The following HP1BP3 variants were observed in gnomAD, a reference collection of about 807,000 sequenced individuals.
The protein encoded by HP1BP3 is heterochromatin protein 1-binding protein 3.
A neutral mutation model predicts 62.5 loss-of-function variants in HP1BP3; 12 were observed. That is an observed-to-expected ratio of 0.19 (90% CI 0.12 to 0.31). The LOEUF (loss-of-function observed/expected upper bound fraction) is 0.31, where lower values mean the gene tolerates loss of function less well. Among genes scored for constraint, HP1BP3 ranks in the 10% least tolerant of loss-of-function variants. The pLI, the probability that HP1BP3 is intolerant of heterozygous loss-of-function variation, is 1.00. For missense variants in HP1BP3, 502 were observed against 651.8 expected, an observed-to-expected ratio of 0.77 and a Z score of 2.50; for synonymous variants, 260 against 237.8, an observed-to-expected ratio of 1.09 and a Z score of -0.86.
At chr1:20,776,882 A>G in intron 3 of HP1BP3, 132 bp from the exon 4 acceptor site, 1 of 661,882 alleles carries the variant, frequency 1.5e-6, no homozygotes, top group Non-Finnish European at 2.4e-6. Context: ...AATGAAAATG[A>G]ATGACCACTA....
At chr1:20,756,137 GTA>G (rs757804277) in intron 9 of HP1BP3, among the ~76,000 whole-genome samples, 3 of 152,122 alleles carry the variant, frequency 2.0e-5, no homozygotes, top group Non-Finnish European at 2.9e-5. Context: ...AAATTAAATT[GTA>G]TAAGGTATGC....
chr1:20,782,673 G>A (rs1306794736), intron 1 of HP1BP3, among the ~76,000 whole-genome samples: 7 of 151,882 alleles, frequency 4.6e-5, no homozygotes, highest in East Asian at 1.9e-4. Context: ...AGGCCGAGGC[G>A]GATAGATCAC....
At chr1:20,785,021 A>G (rs2057757324) in intron 1 of HP1BP3, among the ~76,000 whole-genome samples, 2 of 151,916 alleles carry the variant, frequency 1.3e-5, no homozygotes, top group Admixed American at 6.6e-5. Flanking sequence ...CCTGGGCTCA[A>G]GCGATCTCCT....
intron 8 of HP1BP3, among the ~76,000 whole-genome samples, chr1:20,761,211 AT>A (rs2056451343): frequency 6.6e-6 from 1 of 151,764 alleles, no homozygotes; most frequent in Non-Finnish European, 1.5e-5. Context: ...TGCATGGCTA[AT>A]TTTTTTGTAT....
intron 10 of HP1BP3, among the ~76,000 whole-genome samples, chr1:20,748,477 C>T (rs920994734): frequency 4.6e-5 from 7 of 152,192 alleles, no homozygotes; most frequent in Non-Finnish European, 2.9e-5. Context: ...CCGGGCGTGG[C>T]GGCTCACGCC....
At chr1:20,776,112 C>A (rs2154541254) in intron 4 of HP1BP3, 1 of 967,590 alleles carries the variant, frequency 1.0e-6, no homozygotes, top group Non-Finnish European at 1.5e-6. Context: ...AAAGCCAATT[C>A]TTCAACTGAA....
intron 10 of HP1BP3, 21 bp downstream of exon 10, chr1:20,749,702 A>G: frequency 6.3e-7 from 1 of 1,595,338 alleles, no homozygotes; most frequent in Non-Finnish European, 8.5e-7. Flanking sequence ...TCCCAGTTAA[A>G]TATACACAAC....
rs1050418329 is a variant in HP1BP3 at position 20,744,120 on chromosome 1, T to G, written c.*677A>C. On this transcript the variant is annotated 3_prime_UTR_variant, in exon 13 of 13. Coordinates refer to ENST00000438032, the MANE Select transcript of HP1BP3 (RefSeq NM_001372052.1). ...AAAAACAAGTGATATAGAGAACTTG[T>G]GCTTGCTGTTAAGGGAATGCAATAC... The G allele has an allele frequency of 6.6e-6, 1 of 152,518 alleles. No individual in the cohort carries two copies. The highest frequency in any genetic ancestry group is 6.5e-5 in the Admixed American group (1 of 15,268). 9.4% of individuals were successfully genotyped at this position (152,518 alleles called of 1,614,324 possible). A position where few individuals can be genotyped will look rare whatever the true frequency, so the allele number is the denominator to read the frequency against.
At chr1:20,753,103 G>A (rs149995094) in intron 9 of HP1BP3, among the ~76,000 whole-genome samples, 6 of 152,170 alleles carry the variant, frequency 3.9e-5, no homozygotes, top group South Asian at 4.1e-4. Context: ...CACCATGCCC[G>A]GCTAATTTCT....
intron 1 of HP1BP3, among the ~76,000 whole-genome samples, chr1:20,786,015 C>T (rs532175072): frequency 1.3e-5 from 2 of 152,340 alleles, no homozygotes; most frequent in East Asian, 3.9e-4. Context: ...TAATGCAATG[C>T]AAAGTCAGGA....
intron 5 of HP1BP3, among the ~76,000 whole-genome samples, chr1:20,772,753 A>G (rs2057115964): frequency 6.6e-6 from 1 of 152,232 alleles, no homozygotes; most frequent in African/African-American, 2.4e-5. Context: ...TCATCTGATC[A>G]TATGAACTAA....
intron 8 of HP1BP3, among the ~76,000 whole-genome samples, chr1:20,764,044 T>C (rs185492204): frequency 3.0e-4 from 45 of 152,262 alleles, no homozygotes; most frequent in African/African-American, 1.0e-3. Flanking sequence ...CCAGATGCAA[T>C]TTTTCTTCCT....
chr1:20,766,448 AAAAC>A (rs1296747666), intron 7 of HP1BP3, among the ~76,000 whole-genome samples: 1 of 152,192 alleles, frequency 6.6e-6, no homozygotes, highest in Non-Finnish European at 1.5e-5. Flanking sequence ...TCAGAGTTGT[AAAAC>A]AAAAAAAAAA....
At chr1:20,755,406 T>C (rs1346800979) in intron 9 of HP1BP3, 3 of 452,470 alleles carry the variant, frequency 6.6e-6, no homozygotes, top group South Asian at 4.7e-5. Context: ...ACCCCATTTC[T>C]ACAAAAAATA....
chr1:20,773,059 T>C (rs994380200), intron 5 of HP1BP3, among the ~76,000 whole-genome samples: 12 of 152,234 alleles, frequency 7.9e-5, no homozygotes, highest in African/African-American at 2.6e-4. Flanking sequence ...TGAGTCACAA[T>C]TAGATTTATA....
chr1:20,776,555 A>T, intron 4 of HP1BP3, 42 bp downstream of exon 4: 1 of 1,548,532 alleles, frequency 6.5e-7, no homozygotes, highest in Non-Finnish European at 8.8e-7. Flanking sequence ...GTCCTTTTAC[A>T]CATTCTTCAA....
intron 10 of HP1BP3, 37 bp from the exon 11 acceptor site, chr1:20,747,692 T>C: frequency 7.8e-7 from 1 of 1,282,264 alleles, no homozygotes; most frequent in Admixed American, 1.8e-5. Flanking sequence ...GTTATCTAGT[T>C]ATTCAGATTA....
chr1:20,783,886 T>C (rs778916475), intron 1 of HP1BP3, among the ~76,000 whole-genome samples: 2 of 152,244 alleles, frequency 1.3e-5, no homozygotes, highest in East Asian at 3.9e-4. Context: ...TTAGAATAGT[T>C]GGGTTAATTG....
At chr1:20,768,549 T>C (rs1384241820) in intron 6 of HP1BP3, among the ~76,000 whole-genome samples, 1 of 151,996 alleles carries the variant, frequency 6.6e-6, no homozygotes, top group Non-Finnish European at 1.5e-5. Context: ...TTAAAGTTGA[T>C]TCACAATAGG....
Sources: allele counts gnomAD v4.1 joint callset (sites outside exome capture counted in the v4.1 genomes callset), GRCh38; gene constraint gnomAD v4.1.1; transcripts MANE v1.5; gene names NCBI Gene and HGNC (gene_info 2026-07-23, HGNC 2026-07-21).